Variants in TJP2 observed in about 807,000 individuals in gnomAD.
TJP2 encodes tight junction protein 2.
TJP2 carries 91 observed loss-of-function variants against 133.1 expected under a neutral mutation model. The observed-to-expected ratio is 0.68, with a 90% CI of 0.58 to 0.81. TJP2 has a LOEUF of 0.81. Ranked by LOEUF, TJP2 falls within the 40% of genes least tolerant of loss-of-function variation. TJP2 has a pLI of 0.00. For synonymous variants in TJP2, 592 were observed against 583.4 expected, an observed-to-expected ratio of 1.01 and a Z score of -0.21; for missense variants, 1,541 against 1,565.6, an observed-to-expected ratio of 0.98 and a Z score of 0.26.
intron 1 of TJP2, among the ~76,000 whole-genome samples, chr9:69,211,001 G>A (rs1007119326): frequency 1.3e-5 from 2 of 152,138 alleles, no homozygotes; most frequent in Non-Finnish European, 2.9e-5. Flanking sequence ...TGGAAATACA[G>A]ACGTGAGCCA....
intron 1 of TJP2, among the ~76,000 whole-genome samples, chr9:69,182,007 C>T (rs111856007): frequency 2.2e-4 from 34 of 152,250 alleles, no homozygotes; most frequent in African/African-American, 7.2e-4. Context: ...GACTTCTCCC[C>T]GGGCCTCATT....
At chr9:69,178,428 A>G (rs184515204) in intron 1 of TJP2, among the ~76,000 whole-genome samples, 13 of 152,204 alleles carry the variant, frequency 8.5e-5, no homozygotes, top group Non-Finnish European at 1.5e-4. Context: ...AACTCTGGGA[A>G]TGAGTAATAT....
chr9:69,152,670 G>A (rs1049004956), intron 2 of TJP2, among the ~76,000 whole-genome samples: 5 of 152,022 alleles, frequency 3.3e-5, no homozygotes, highest in Non-Finnish European at 5.9e-5. Context: ...GAGTTAATGG[G>A]CCCAGCAAGT....
chr9:69,169,521 C>G (rs369476994), upstream of TJP2, among the ~76,000 whole-genome samples: 2 of 151,578 alleles, frequency 1.3e-5, no homozygotes, highest in African/African-American at 4.8e-5. Flanking sequence ...ACCATGCCAG[C>G]TAATTTTTTT....
intron 1 of TJP2, among the ~76,000 whole-genome samples, chr9:69,138,497 T>A (rs1403831725): frequency 6.7e-6 from 1 of 149,034 alleles, no homozygotes; most frequent in Non-Finnish European, 1.5e-5. Context: ...CCAGGGACCA[T>A]GGCTTATGCT....
intron 1 of TJP2, among the ~76,000 whole-genome samples, chr9:69,134,776 C>G (rs991547389): frequency 7.9e-5 from 12 of 152,156 alleles, no homozygotes; most frequent in Non-Finnish European, 1.5e-5. Context: ...AAGTAACAGA[C>G]ATTTGTTTCT....
chr9:69,133,214 G>A (rs1438745367), intron 1 of TJP2, among the ~76,000 whole-genome samples: 2 of 151,936 alleles, frequency 1.3e-5, no homozygotes, highest in Admixed American at 6.6e-5. Flanking sequence ...CTCCTGCCTC[G>A]GCCTCCCAAA....
intron 1 of TJP2, among the ~76,000 whole-genome samples, chr9:69,133,985 CA>C (rs1822617353): frequency 1.3e-5 from 2 of 152,144 alleles, no homozygotes; most frequent in African/African-American, 4.8e-5. Context: ...TTCTCTTTCC[CA>C]AGCCAAGTCC....
At chr9:69,206,367 T>C (rs1827407370) in intron 1 of TJP2, among the ~76,000 whole-genome samples, 1 of 152,098 alleles carries the variant, frequency 6.6e-6, no homozygotes, top group Admixed American at 6.5e-5. Context: ...CTTTGCCCCT[T>C]TCAAATTACT....
At chr9:69,241,458 G>T (rs746827944) in intron 17 of TJP2, among the ~76,000 whole-genome samples, 1 of 152,180 alleles carries the variant, frequency 6.6e-6, no homozygotes, top group African/African-American at 2.4e-5. Context: ...AGAGGAAGGG[G>T]TGAATGATTG....
At chr9:69,236,909 T>G in intron 13 of TJP2, 40 bp from the exon 14 acceptor site, 1 of 1,609,570 alleles carries the variant, frequency 6.2e-7, no homozygotes, top group Non-Finnish European at 8.5e-7. Context: ...TAGCTGCGTT[T>G]TCTGGCTTTA....
chr9:69,159,689 T>C (rs1823960958), intron 2 of TJP2, among the ~76,000 whole-genome samples: 2 of 152,002 alleles, frequency 1.3e-5, no homozygotes, highest in Non-Finnish European at 2.9e-5. Context: ...CCATCCTGGC[T>C]AACACGGTGA....
chr9:69,229,283 C>T, intron 10 of TJP2, 33 bp downstream of exon 10: 1 of 1,593,630 alleles, frequency 6.3e-7, no homozygotes, highest in Non-Finnish European at 8.6e-7. Context: ...GTTTTCCCTT[C>T]TTCCTTACAG....
At chr9:69,199,263 T>G (rs576456384) in intron 1 of TJP2, among the ~76,000 whole-genome samples, 2 of 152,222 alleles carry the variant, frequency 1.3e-5, no homozygotes, top group South Asian at 2.1e-4. Flanking sequence ...GGGCTGAACG[T>G]GGTGGCTCAC....
intron 17 of TJP2, among the ~76,000 whole-genome samples, chr9:69,243,388 A>T (rs1196576035): frequency 6.6e-6 from 1 of 152,202 alleles, no homozygotes; most frequent in Admixed American, 6.5e-5. Context: ...AGTTCTCCTT[A>T]CAAGTCTTAC....
chr9:69,203,702 C>CT (rs1367363558), intron 1 of TJP2, among the ~76,000 whole-genome samples: 8 of 148,762 alleles, frequency 5.4e-5, no homozygotes, highest in African/African-American at 1.2e-4. Flanking sequence ...CAACCTCCGC[C>CT]TCCTGGGCTC....
chr9:69,210,302 A>C (rs1348380247), intron 1 of TJP2, among the ~76,000 whole-genome samples: 73 of 55,250 alleles, frequency 1.3e-3, no homozygotes, highest in African/African-American at 1.5e-3. Context: ...CCCCCCCCAA[A>C]AAAAAAAAAA....
At chr9:69,192,281 CAAA>C (rs951713818) in intron 1 of TJP2, among the ~76,000 whole-genome samples, 1 of 149,990 alleles carries the variant, frequency 6.7e-6, no homozygotes, top group Non-Finnish European at 1.5e-5. Context: ...GAACTTGTAT[CAAA>C]AAAAGAAAAA....
chr9:69,134,557 T>C (rs1822642558), intron 1 of TJP2, among the ~76,000 whole-genome samples: 1 of 152,160 alleles, frequency 6.6e-6, no homozygotes. Context: ...GCACCTCAGC[T>C]GCCAGAGGGC....
Sources: gnomAD v4.1 joint callset for allele counts (sites outside exome capture counted in the v4.1 genomes callset) on GRCh38, gnomAD v4.1.1 for gene constraint, MANE v1.5 for transcripts, NCBI Gene and HGNC (gene_info 2026-07-23, HGNC 2026-07-21) for gene names.